LRRFIP2: variants seen among roughly 807,000 people sequenced by gnomAD.
LRRFIP2 encodes the protein leucine-rich repeat flightless-interacting protein 2.
A neutral mutation model predicts 125.9 loss-of-function variants in LRRFIP2; 109 were observed. That is an observed-to-expected ratio of 0.87 (90% CI 0.74 to 1.01). The LOEUF (loss-of-function observed/expected upper bound fraction) is 1.01, where lower values mean the gene tolerates loss of function less well. LRRFIP2 is among the 50% of genes least tolerant of loss of function. The pLI, the probability that LRRFIP2 is intolerant of heterozygous loss-of-function variation, is 0.00. For missense variants in LRRFIP2, 850 were observed against 862.3 expected, an observed-to-expected ratio of 0.99 and a Z score of 0.18; for synonymous variants, 291 against 293.1, an observed-to-expected ratio of 0.99 and a Z score of 0.07.
intron 1 of LRRFIP2, among the ~76,000 whole-genome samples, chr3:37,172,546 AT>A (rs2096599913): frequency 6.6e-6 from 1 of 152,160 alleles, no homozygotes; most frequent in Admixed American, 6.5e-5. Flanking sequence ...ACCTTTTAAA[AT>A]GTTTTATCAA....
rs778967224 is a variant in LRRFIP2 at position 37,083,804 on chromosome 3, T to C, written c.1110A>G (p.Glu370=). 6.3e-7 allele frequency: 1 copy of C among 1,587,606 alleles called. No homozygotes were observed. The highest frequency in any genetic ancestry group is 8.5e-7 in the Non-Finnish European group (1 of 1,171,792). The change falls in exon 19 of 28, where the codon GAA becomes GAG. Residue 370 remains glutamate (E), a splice_region_variant and synonymous_variant. Transcript: ENST00000336686. ...ATTTTTCTTCCACTTCAGACAAAGA[T>C]TCCTAAATGAGAGTTAAGTCATCAG... ...RYMQGLKELK[E]SLSEVEEKYK...
chr3:37,104,175 T>G lies in LRRFIP2; in HGVS notation c.784-1162A>C, dbSNP rs917355067. Among the ~76,000 whole-genome samples, 14 of 152,182 alleles carry G rather than the reference T, an allele frequency of 9.2e-5. 1 individual carries two copies. The highest frequency in any genetic ancestry group is 2.9e-5 in the Non-Finnish European group (2 of 68,030). On this transcript the variant is annotated intron_variant, in intron 14 of 27. Coordinates refer to ENST00000336686, the MANE Select transcript of LRRFIP2 (RefSeq NM_006309.4). Reference sequence around the variant, plus strand: ...GATATTAATATTTATTGGCACCTATTTGAGAATTTTGATAGGCATTTTCTA... The same window carrying G: ...GATATTAATATTTATTGGCACCTATGTGAGAATTTTGATAGGCATTTTCTA...
chr3:37,145,248 G>A (rs1370888918), intron 2 of LRRFIP2, among the ~76,000 whole-genome samples: 5 of 152,140 alleles, frequency 3.3e-5, no homozygotes, highest in Non-Finnish European at 5.9e-5. Flanking sequence ...TTTTTCTGAT[G>A]TCAAACAACT....
Position 37,056,517 on chromosome 3 carries a change from G to A in LRRFIP2, c.1871-1352C>T, listed in dbSNP as rs577215957. Among the ~76,000 whole-genome samples the A allele has an allele frequency of 1.7e-4, 26 of 151,076 alleles. No individual in the cohort carries two copies. In the South Asian group the frequency reaches 1.9e-3, roughly 11 times the overall value. ...CGCCCAGGCTAGAGTGCAGTGGCGCGATCTCGGCTCACTGCAAGCTCCATC... is the reference window on the plus strand; with the variant it reads ...CGCCCAGGCTAGAGTGCAGTGGCGCAATCTCGGCTCACTGCAAGCTCCATC... On this transcript the variant is annotated intron_variant, in intron 25 of 27. Coordinates refer to ENST00000336686, the MANE Select transcript of LRRFIP2 (RefSeq NM_006309.4).
rs2095318655 is a variant in LRRFIP2 at position 37,127,649 on chromosome 3, C to T, written c.209G>A (p.Gly70Glu). The T allele has an allele frequency of 1.2e-6, 2 of 1,613,910 alleles. No individual in the cohort carries two copies. Reference sequence around the variant, plus strand: ...GCCTACCAGCCACTTCTGAATCTGTCCCCACTTCCGATCAAAGGAATGAAG... The same window carrying T: ...GCCTACCAGCCACTTCTGAATCTGTTCCCACTTCCGATCAAAGGAATGAAG... ...YSLHSFDRKWGQIQKWLEDSE... is the reference protein window; with the variant it reads ...YSLHSFDRKWEQIQKWLEDSE... Residue 70 changes from glycine (G) to glutamate (E), a missense_variant, in exon 4 of 28, where the codon GGA (glycine) becomes GAA (glutamate). Coordinates refer to ENST00000336686, the MANE Select transcript of LRRFIP2 (RefSeq NM_006309.4).
rs182341666 is a variant in LRRFIP2 at position 37,129,035 on chromosome 3, T to A, written c.177+28A>T. On this transcript the variant is annotated intron_variant, in intron 3 of 27. Coordinates refer to ENST00000336686, the MANE Select transcript of LRRFIP2 (RefSeq NM_006309.4). ...GTACTGATTTTGGGGGAGACAAATA[T>A]GAAATTAGGGTTATTCCCTCAAATT... is the stretch of plus-strand genomic sequence containing the variant. 3.1e-6 allele frequency: 5 copies of A among 1,596,200 alleles called. No homozygotes were observed. In the East Asian group the frequency reaches 1.1e-4, roughly 36 times the overall value.
At chr3:37,059,748 C>G (rs543891398) in intron 24 of LRRFIP2, among the ~76,000 whole-genome samples, 3 of 151,738 alleles carry the variant, frequency 2.0e-5, no homozygotes, top group African/African-American at 7.3e-5. Flanking sequence ...GATCACATCA[C>G]TGCACTCCAG....
At chr3:37,139,378 T>C (rs939895592) in intron 2 of LRRFIP2, among the ~76,000 whole-genome samples, 4 of 152,238 alleles carry the variant, frequency 2.6e-5, no homozygotes, top group African/African-American at 9.6e-5. Flanking sequence ...GTAAATGATC[T>C]GAATTATCAA....
At chr3:37,062,247 C>T (rs2088957073) in intron 24 of LRRFIP2, among the ~76,000 whole-genome samples, 3 of 152,200 alleles carry the variant, frequency 2.0e-5, no homozygotes, top group African/African-American at 7.2e-5. Context: ...TGTCTTCCTA[C>T]TAGAATGCCT....
chr3:37,074,507 C>A (rs2091749280), intron 20 of LRRFIP2, among the ~76,000 whole-genome samples: 1 of 152,212 alleles, frequency 6.6e-6, no homozygotes, highest in Non-Finnish European at 1.5e-5. Context: ...GACTATGCTT[C>A]ATTCCATTCC....
At chr3:37,134,356 C>T (rs921825864) in intron 2 of LRRFIP2, among the ~76,000 whole-genome samples, 2 of 152,160 alleles carry the variant, frequency 1.3e-5, no homozygotes, top group African/African-American at 2.4e-5. Context: ...CTCGGCCTGG[C>T]GGTGGCCTGC....
intron 15 of LRRFIP2, among the ~76,000 whole-genome samples, chr3:37,101,760 T>C (rs968973804): frequency 6.6e-6 from 1 of 151,264 alleles, no homozygotes; most frequent in South Asian, 2.1e-4. Flanking sequence ...ACAATCAGTA[T>C]AGCCTTGGTC....
At chr3:37,112,778 T>G in intron 8 of LRRFIP2, 137 bp downstream of exon 8, 1 of 527,130 alleles carries the variant, frequency 1.9e-6, no homozygotes. Context: ...ACAAAATTAT[T>G]TTTAAATTTC....
At position 37,094,912 on chromosome 3, in the gene LRRFIP2, G is replaced by A. The variant is rs1176335415; in HGVS notation, c.919-4C>T. The A allele has an allele frequency of 2.6e-6, 4 of 1,557,616 alleles. No homozygotes were observed. Among genetic ancestry groups the A allele is most frequent in the Non-Finnish European group, 3.5e-6 (4 of 1,128,664 alleles). ...AGGCAGAATTTCGAGATGAAGGCTA[G>A]AAAGAGAAATATGACCCTTCTAAGT... On this transcript the variant is annotated splice_region_variant and splice_polypyrimidine_tract_variant and intron_variant, in intron 16 of 27. Coordinates refer to ENST00000336686, the MANE Select transcript of LRRFIP2 (RefSeq NM_006309.4).
chr3:37,108,808 C>A, intron 11 of LRRFIP2, 124 bp from the exon 12 acceptor site: 2 of 656,086 alleles, frequency 3.0e-6, no homozygotes, highest in East Asian at 2.9e-5. Context: ...TATAGCCTCC[C>A]AGAATGAAAA....
chr3:37,127,673 A>C lies in LRRFIP2; in HGVS notation c.185T>G (p.Leu62Arg). The C allele has an allele frequency of 6.2e-7, 1 of 1,613,912 alleles. No homozygotes were observed. The highest frequency in any genetic ancestry group is 1.1e-5 in the South Asian group (1 of 91,078). The change falls in exon 4 of 28, where the codon CTT becomes CGT. Residue 62 changes from leucine to arginine, a missense_variant. Transcript: ENST00000336686. ...ELERQQKEYS[L>R]HSFDRKWGQI... The stretch of plus-strand genomic sequence containing the variant: ...TCCCCACTTCCGATCAAAGGAATGA[A>C]GAGAGTACTAGAAATGCAAAAATTT...
At chr3:37,118,821 C>A (rs2094903282) in intron 6 of LRRFIP2, among the ~76,000 whole-genome samples, 1 of 152,166 alleles carries the variant, frequency 6.6e-6, no homozygotes, top group South Asian at 2.1e-4. Context: ...TAGTACACGG[C>A]CTTAAGTTTT....
At chr3:37,095,560 G>A (rs566098513) in intron 16 of LRRFIP2, among the ~76,000 whole-genome samples, 2 of 152,248 alleles carry the variant, frequency 1.3e-5, no homozygotes, top group South Asian at 2.1e-4. Flanking sequence ...GTTGCATATA[G>A]GATACATACC....
intron 1 of LRRFIP2, among the ~76,000 whole-genome samples, chr3:37,158,387 G>A (rs576442870): frequency 2.6e-5 from 4 of 152,110 alleles, no homozygotes; most frequent in African/African-American, 7.2e-5. Context: ...CAGGTGGATC[G>A]CTTGAGGTCA....
Sources: gnomAD v4.1 joint callset for allele counts (sites outside exome capture counted in the v4.1 genomes callset) on GRCh38, gnomAD v4.1.1 for gene constraint, MANE v1.5 for transcripts, NCBI Gene and HGNC (gene_info 2026-07-23, HGNC 2026-07-21) for gene names.